TMEM87B: variants seen among roughly 807,000 people sequenced by gnomAD.
TMEM87B encodes the protein transmembrane protein 87B.
A neutral mutation model predicts 80.3 loss-of-function variants in TMEM87B; 83 were observed. The observed-to-expected ratio is 1.03, with a 90% CI of 0.87 to 1.24. The LOEUF (loss-of-function observed/expected upper bound fraction) is 1.24. Among genes scored for constraint, TMEM87B ranks in the 50% most tolerant of loss-of-function variants. TMEM87B has a pLI of 0.00. For synonymous variants in TMEM87B, 219 were observed against 230.5 expected (o/e 0.95, Z 0.45); for missense variants, 625 against 674.4 (o/e 0.93, Z 0.81).
chr2:112,103,527 TTA>T (rs1679688049), intron 15 of TMEM87B, among the ~76,000 whole-genome samples: 1 of 152,176 alleles, frequency 6.6e-6, no homozygotes, highest in Non-Finnish European at 1.5e-5. Context: ...CTTGAAAACA[TTA>T]TGTTAAGTGA....
chr2:112,081,663 G>A (rs1470930746), intron 8 of TMEM87B, 145 bp downstream of exon 8: 9 of 683,706 alleles, frequency 1.3e-5, no homozygotes, highest in South Asian at 2.5e-5. Context: ...AGGAAAGAAT[G>A]TCAGAGTAGG....
intron 9 of TMEM87B, among the ~76,000 whole-genome samples, chr2:112,087,517 A>T (rs1403995926): frequency 6.6e-6 from 1 of 150,776 alleles, no homozygotes; most frequent in East Asian, 2.0e-4. Flanking sequence ...TTTCCCCCAC[A>T]TCTGGACCGC....
chr2:112,097,396 A>AT, intron 13 of TMEM87B, 105 bp downstream of exon 13: 1 of 1,041,150 alleles, frequency 9.6e-7, no homozygotes, highest in Non-Finnish European at 1.4e-6. Flanking sequence ...TTTAATGGAG[A>AT]TTTATGTTTT....
chr2:112,107,967 C>A, intron 17 of TMEM87B, 127 bp downstream of exon 17: 1 of 490,316 alleles, frequency 2.0e-6, no homozygotes, highest in Non-Finnish European at 3.7e-6. Context: ...CCCCTATCAC[C>A]AGTACATGGC....
chr2:112,115,337 C>T (rs1679993406), intron 18 of TMEM87B, among the ~76,000 whole-genome samples: 1 of 130,222 alleles, frequency 7.7e-6, no homozygotes, highest in Non-Finnish European at 1.6e-5. Context: ...CATAACTCTA[C>T]AGAAAGATGT....
chr2:112,062,876 C>G (rs902865439), intron 2 of TMEM87B, among the ~76,000 whole-genome samples: 1 of 152,148 alleles, frequency 6.6e-6, no homozygotes, highest in African/African-American at 2.4e-5. Context: ...CAAACAGTTC[C>G]CAACTCTGTG....
intron 6 of TMEM87B, among the ~76,000 whole-genome samples, chr2:112,077,670 A>G (rs1678865896): frequency 6.6e-6 from 1 of 152,116 alleles, no homozygotes; most frequent in Non-Finnish European, 1.5e-5. Context: ...TAAGATTTTT[A>G]TTATTTGACA....
At chr2:112,082,467 G>A (rs192394429) in intron 8 of TMEM87B, among the ~76,000 whole-genome samples, 3 of 152,220 alleles carry the variant, frequency 2.0e-5, no homozygotes, top group East Asian at 1.9e-4. Flanking sequence ...CAAATTTGGC[G>A]TAACGTTGCT....
chr2:112,073,562 G>A (rs1464742043), intron 4 of TMEM87B, among the ~76,000 whole-genome samples: 2 of 152,208 alleles, frequency 1.3e-5, no homozygotes, highest in African/African-American at 2.4e-5. Context: ...GATGAGAAGA[G>A]TGTATATTCT....
At chr2:112,096,014 T>G (rs1449677285) in intron 11 of TMEM87B, among the ~76,000 whole-genome samples, 2 of 148,644 alleles carry the variant, frequency 1.3e-5, no homozygotes, top group African/African-American at 5.0e-5. Flanking sequence ...GACACCCCCC[T>G]CCAAACCCCC....
intron 18 of TMEM87B, 39 bp from the exon 19 acceptor site, chr2:112,116,045 A>G (rs758330130): frequency 6.3e-7 from 1 of 1,574,882 alleles, no homozygotes; most frequent in Non-Finnish European, 8.7e-7. Context: ...TGGAAGTAGT[A>G]TCAACATGTT....
intron 15 of TMEM87B, among the ~76,000 whole-genome samples, chr2:112,100,903 C>T (rs189574777): frequency 3.3e-5 from 5 of 152,260 alleles, no homozygotes; most frequent in Admixed American, 1.3e-4. Flanking sequence ...GCTTGTTACT[C>T]ATTTCGTAAA....
At chr2:112,094,789 C>T (rs997189921) in intron 11 of TMEM87B, among the ~76,000 whole-genome samples, 2 of 152,106 alleles carry the variant, frequency 1.3e-5, no homozygotes, top group Admixed American at 1.3e-4. Flanking sequence ...CAAAGGAAGT[C>T]TAGTGTCTAT....
At chr2:112,073,819 T>C (rs773513246) in intron 4 of TMEM87B, among the ~76,000 whole-genome samples, 55 of 152,204 alleles carry the variant, frequency 3.6e-4, no homozygotes, top group Non-Finnish European at 6.0e-4. Flanking sequence ...AAGTCTTCAG[T>C]TGAATTGAAC....
chr2:112,080,175 C>T (rs1019814777), intron 6 of TMEM87B, among the ~76,000 whole-genome samples: 1 of 151,926 alleles, frequency 6.6e-6, no homozygotes, highest in African/African-American at 2.4e-5. Context: ...GTGATCTGCC[C>T]ACCTTGGCCT....
At chr2:112,059,925 T>A in intron 1 of TMEM87B, 52 bp from the exon 2 acceptor site, 1 of 1,576,382 alleles carries the variant, frequency 6.3e-7, no homozygotes, top group Non-Finnish European at 8.6e-7. Flanking sequence ...GGTAAAACAG[T>A]TGCAAAAAAA....
chr2:112,085,996 C>G lies in TMEM87B; in HGVS notation c.839-9C>G. 1 of 1,608,594 alleles carries G rather than the reference C, an allele frequency of 6.2e-7. No homozygotes were observed. The highest frequency in any genetic ancestry group is 8.5e-7 in the Non-Finnish European group (1 of 1,177,796). On this transcript the variant is annotated splice_polypyrimidine_tract_variant and intron_variant, in intron 8 of 18. Coordinates refer to ENST00000283206, the MANE Select transcript of TMEM87B (RefSeq NM_032824.3). ...ACAAAGTGAATTATTTTATTTTTTT[C>G]TTCCTCAGCCCAAGGCTTATTGATA... is the stretch of plus-strand genomic sequence containing the variant.
At chr2:112,061,439 G>A (rs4848982) in intron 2 of TMEM87B, among the ~76,000 whole-genome samples, 28,911 of 152,104 alleles carry the variant, frequency 0.19, 3,122 homozygotes, top group African/African-American at 0.29. Context: ...TCTTTCCTGA[G>A]GGAAGTCAGG....
intron 4 of TMEM87B, among the ~76,000 whole-genome samples, chr2:112,067,912 T>C (rs1260471393): frequency 1.3e-5 from 2 of 152,160 alleles, no homozygotes; most frequent in Non-Finnish European, 2.9e-5. Context: ...GCTTAGATTC[T>C]AAAATGATTA....
Sources: gnomAD v4.1 joint callset for allele counts (sites outside exome capture counted in the v4.1 genomes callset) on GRCh38, gnomAD v4.1.1 for gene constraint, MANE v1.5 for transcripts, NCBI Gene and HGNC (gene_info 2026-07-23, HGNC 2026-07-21) for gene names.